The following EPC2 variants were observed in gnomAD, a reference collection of about 807,000 sequenced individuals.
The protein encoded by EPC2 is enhancer of polycomb 2, also known as enhancer of polycomb homolog 2.
Under a neutral mutation model 92.1 loss-of-function variants are expected in EPC2, and 14 were observed. That is an observed-to-expected ratio of 0.15 (90% CI 0.10 to 0.24). The LOEUF is 0.24. Ranked by LOEUF, EPC2 falls within the 10% of genes least tolerant of loss-of-function variation. EPC2 has a pLI of 1.00. For missense variants in EPC2, 755 were observed against 971.5 expected (o/e 0.78, Z 2.96); for synonymous variants, 340 against 334.7 (o/e 1.02, Z -0.17).
At chr2:148,695,125 A>C (rs1238058578) in intron 2 of EPC2, among the ~76,000 whole-genome samples, 1 of 152,046 alleles carries the variant, frequency 6.6e-6, no homozygotes, top group Non-Finnish European at 1.5e-5. Context: ...CCAGTTTTGA[A>C]CTCAGTTAAA....
At chr2:148,712,126 C>T (rs1166803861) in intron 2 of EPC2, among the ~76,000 whole-genome samples, 2 of 151,902 alleles carry the variant, frequency 1.3e-5, no homozygotes, top group African/African-American at 2.4e-5. Flanking sequence ...GTATTTGATT[C>T]CCTTGGTCTT....
chr2:148,759,042 GTGGTTTTTAATA>G (rs1159246025), intron 4 of EPC2, among the ~76,000 whole-genome samples: 1 of 152,210 alleles, frequency 6.6e-6, no homozygotes, highest in Non-Finnish European at 1.5e-5. Context: ...ACAACCAAAT[GTGGTTTTTAATA>G]TGGAGTCAGA....
At chr2:148,727,413 C>T (rs1337017326) in intron 2 of EPC2, among the ~76,000 whole-genome samples, 1 of 152,094 alleles carries the variant, frequency 6.6e-6, no homozygotes, top group Non-Finnish European at 1.5e-5. Context: ...TATCTTTGTC[C>T]ATTCACTTCC....
intron 5 of EPC2, 152 bp downstream of exon 5, chr2:148,762,082 C>A: frequency 1.6e-6 from 1 of 635,622 alleles, no homozygotes; most frequent in Non-Finnish European, 2.4e-6. Flanking sequence ...TTTGTGGTTA[C>A]TAGTTTTTAT....
At chr2:148,650,464 A>G (rs539190791) in intron 1 of EPC2, among the ~76,000 whole-genome samples, 1 of 152,194 alleles carries the variant, frequency 6.6e-6, no homozygotes, top group South Asian at 2.1e-4. Flanking sequence ...ATAAATCTTT[A>G]TCTTGTTTTA....
At chr2:148,683,752 TAC>T (rs1204222119) in intron 1 of EPC2, among the ~76,000 whole-genome samples, 1 of 152,260 alleles carries the variant, frequency 6.6e-6, no homozygotes, top group Non-Finnish European at 1.5e-5. Context: ...ATGGTATATA[TAC>T]ACCACATTCA....
rs1211429083 is a variant in EPC2 at position 148,770,885 on chromosome 2, G to A, written c.1324G>A (p.Val442Ile). 5 of 1,613,632 alleles carry A rather than the reference G, an allele frequency of 3.1e-6. No individual in the cohort carries two copies. The highest frequency in any genetic ancestry group is 4.2e-6 in the Non-Finnish European group (5 of 1,179,806). The change falls in exon 9 of 14, where the codon GTC (valine) becomes ATC (isoleucine). Residue 442 changes from valine to isoleucine, a missense_variant. Val to Ile is a conservative substitution (Grantham distance 29). Around this residue, in one of 4 missense-constraint regions of EPC2, gnomAD observed 509 missense variants for 607.7 expected, o/e 0.84. Transcript: ENST00000258484. Reference protein sequence around the residue: ...RYRHCLTTLTVPRRCIGFARR... With the variant: ...RYRHCLTTLTIPRRCIGFARR... The stretch of plus-strand genomic sequence containing the variant: ...TAGGCATTGCCTTACAACACTTACA[G>A]TCCCAAGAAGATGTATAGGATTTGC...
intron 2 of EPC2, chr2:148,691,688 T>G (rs1681647364): frequency 7.2e-7 from 1 of 1,395,610 alleles, no homozygotes. Context: ...TTCATTTGTT[T>G]TTGGACCACA....
At position 148,697,466 on chromosome 2, in the gene EPC2, G is replaced by A. The variant is rs541523267; in HGVS notation, c.313+7093G>A. On this transcript the variant is annotated intron_variant, in intron 2 of 13. Coordinates refer to ENST00000258484, the MANE Select transcript of EPC2 (RefSeq NM_015630.4). The stretch of plus-strand genomic sequence containing the variant: ...GCACTATGAATGGGTCAGAGAAGAG[G>A]TGCCAAAGGGAGAAACTTGAAGAAA... Among the ~76,000 whole-genome samples the A allele has an allele frequency of 2.0e-3, 301 of 152,208 alleles. 4 individuals carry two copies. The highest frequency in any genetic ancestry group is 3.4e-3 in the Middle Eastern group (1 of 292).
At chr2:148,653,045 G>A (rs1680717530) in intron 1 of EPC2, among the ~76,000 whole-genome samples, 1 of 152,180 alleles carries the variant, frequency 6.6e-6, no homozygotes, top group South Asian at 2.1e-4. Flanking sequence ...ATGAAAAAGA[G>A]CATGTGCACG....
intron 2 of EPC2, among the ~76,000 whole-genome samples, chr2:148,737,877 C>T (rs1012983691): frequency 3.3e-5 from 5 of 151,962 alleles, no homozygotes; most frequent in African/African-American, 9.7e-5. Context: ...TGTGTTGAGC[C>T]ACATTCAAAG....
Position 148,690,389 on chromosome 2 carries a change from C to A in EPC2, c.313+16C>A. On this transcript the variant is annotated intron_variant, in intron 2 of 13. Coordinates refer to ENST00000258484, the MANE Select transcript of EPC2 (RefSeq NM_015630.4). ...CATATTCAGCGTAAGTTTGTTAATT[C>A]ATTGTTTTCTGTTTGTACTTTAAAT... 6.4e-7 allele frequency: 1 copy of A among 1,561,672 alleles called. No individual in the cohort carries two copies. The highest frequency in any genetic ancestry group is 1.2e-5 in the South Asian group (1 of 82,354).
At chr2:148,670,455 C>T (rs1681134226) in intron 1 of EPC2, among the ~76,000 whole-genome samples, 1 of 151,868 alleles carries the variant, frequency 6.6e-6, no homozygotes, top group South Asian at 2.1e-4. Context: ...CAACCATTAC[C>T]ACTATTTTGT....
intron 13 of EPC2, among the ~76,000 whole-genome samples, chr2:148,785,827 AT>A (rs1683855601): frequency 6.6e-6 from 1 of 152,210 alleles, no homozygotes; most frequent in African/African-American, 2.4e-5. Context: ...TATGACACTA[AT>A]ACAAGGAGAA....
chr2:148,721,000 C>G (rs1323449280), intron 2 of EPC2, among the ~76,000 whole-genome samples: 1 of 152,080 alleles, frequency 6.6e-6, no homozygotes, highest in Non-Finnish European at 1.5e-5. Context: ...AAGTAAACTG[C>G]TTATGTATAT....
At chr2:148,755,649 G>T (rs1190263218) in intron 4 of EPC2, among the ~76,000 whole-genome samples, 1 of 152,144 alleles carries the variant, frequency 6.6e-6, no homozygotes, top group African/African-American at 2.4e-5. Flanking sequence ...CACTGTACAG[G>T]TTTGTAGCCT....
intron 5 of EPC2, 22 bp downstream of exon 5, chr2:148,761,952 C>A: frequency 6.5e-7 from 1 of 1,544,740 alleles, no homozygotes; most frequent in African/African-American, 1.4e-5. Context: ...CCTGTTACAA[C>A]AGTAAAATGA....
intron 3 of EPC2, among the ~76,000 whole-genome samples, chr2:148,747,243 ACT>A (rs1404139258): frequency 6.6e-6 from 1 of 151,494 alleles, no homozygotes; most frequent in African/African-American, 2.4e-5. Flanking sequence ...CCAAAACAGA[ACT>A]CTCCTTCTAA....
chr2:148,654,634 G>C (rs1311457495), intron 1 of EPC2, among the ~76,000 whole-genome samples: 1 of 152,192 alleles, frequency 6.6e-6, no homozygotes, highest in African/African-American at 2.4e-5. Context: ...CGCCAGCCTG[G>C]ATGACAGAGT....
Sources: allele counts gnomAD v4.1 joint callset (sites outside exome capture counted in the v4.1 genomes callset), GRCh38; gene constraint gnomAD v4.1.1; regional missense constraint gnomAD v4.1.1; transcripts MANE v1.5; gene names NCBI Gene and HGNC (gene_info 2026-07-23, HGNC 2026-07-21).